The following CWC27 variants were observed in gnomAD, a reference collection of about 807,000 sequenced individuals.
CWC27 encodes the protein CWC27 spliceosome associated cyclophilin.
In CWC27, 47 loss-of-function variants were observed where a neutral mutation model predicts 63.6. That is an observed-to-expected ratio of 0.74 (90% CI 0.58 to 0.94). The LOEUF (loss-of-function observed/expected upper bound fraction) is 0.94, where lower values mean the gene tolerates loss of function less well. Ranked by LOEUF, CWC27 falls within the 40% of genes least tolerant of loss-of-function variation. CWC27 has a pLI of 0.00. For missense variants in CWC27, 495 were observed against 554.3 expected, an observed-to-expected ratio of 0.89 and a Z score of 1.07; for synonymous variants, 175 against 179.8, an observed-to-expected ratio of 0.97 and a Z score of 0.22.
chr5:65,015,999 T>C (rs896131174), intron 13 of CWC27, among the ~76,000 whole-genome samples: 1 of 152,202 alleles, frequency 6.6e-6, no homozygotes, highest in African/African-American at 2.4e-5. Context: ...CTGAAGTGAG[T>C]TGTCACTGAT....
chr5:64,855,586 C>T (rs753082890), intron 10 of CWC27, among the ~76,000 whole-genome samples: 1 of 152,044 alleles, frequency 6.6e-6, no homozygotes, highest in Non-Finnish European at 1.5e-5. Context: ...TTTAAACTTA[C>T]AGAAGTAAAT....
intron 11 of CWC27, among the ~76,000 whole-genome samples, chr5:64,953,028 G>C (rs1264740465): frequency 1.3e-5 from 2 of 152,114 alleles, no homozygotes; most frequent in African/African-American, 2.4e-5. Flanking sequence ...TGCCATGTGA[G>C]GCATTTATAG....
At chr5:64,997,583 C>T (rs1159364741) in intron 13 of CWC27, among the ~76,000 whole-genome samples, 1 of 152,050 alleles carries the variant, frequency 6.6e-6, no homozygotes, top group African/African-American at 2.4e-5. Flanking sequence ...CTCATAATAA[C>T]TCTCAGTGAT....
intron 13 of CWC27, among the ~76,000 whole-genome samples, chr5:65,011,260 A>C (rs13171623): frequency 9.7e-4 from 148 of 152,308 alleles, no homozygotes; most frequent in Non-Finnish European, 1.7e-3. Context: ...CACCTTCAAG[A>C]GCACCTGCAG....
intron 10 of CWC27, among the ~76,000 whole-genome samples, chr5:64,861,591 C>T (rs1197165678): frequency 1.3e-5 from 2 of 152,146 alleles, no homozygotes; most frequent in African/African-American, 4.8e-5. Flanking sequence ...AAATCAAGGA[C>T]ATTTTTATAT....
intron 5 of CWC27, 92 bp from the exon 6 acceptor site, chr5:64,786,432 T>TATAG: frequency 1.5e-6 from 1 of 663,534 alleles, no homozygotes; most frequent in Non-Finnish European, 2.4e-6. Context: ...GGGAAAAATA[T>TATAG]AGACACTATA....
chr5:64,800,205 T>A, intron 7 of CWC27, 43 bp from the exon 8 acceptor site: 1 of 1,280,888 alleles, frequency 7.8e-7, no homozygotes, highest in South Asian at 1.3e-5. Flanking sequence ...TTAGGAATAC[T>A]GTTTATTTCC....
intron 11 of CWC27, among the ~76,000 whole-genome samples, chr5:64,896,364 A>T (rs902467022): frequency 6.6e-6 from 1 of 152,236 alleles, no homozygotes; most frequent in African/African-American, 2.4e-5. Flanking sequence ...AGTTAGGAAC[A>T]TGGAAAGTGG....
chr5:64,992,660 T>A (rs2112459570), intron 13 of CWC27, among the ~76,000 whole-genome samples: 1 of 151,674 alleles, frequency 6.6e-6, no homozygotes, highest in South Asian at 2.1e-4. Context: ...GCCTCCCACG[T>A]AGCTGGGACT....
intron 2 of CWC27, among the ~76,000 whole-genome samples, chr5:64,781,425 A>G (rs1163898478): frequency 1.3e-5 from 2 of 152,182 alleles, no homozygotes; most frequent in African/African-American, 4.8e-5. Flanking sequence ...GCAGTGGGAA[A>G]TAAGGTATTT....
chr5:65,002,492 C>G (rs1396715257), intron 13 of CWC27, among the ~76,000 whole-genome samples: 2 of 152,030 alleles, frequency 1.3e-5, no homozygotes, highest in African/African-American at 4.8e-5. Context: ...GTTGTATTTC[C>G]ATTTTCATTT....
chr5:64,805,428 T>TTC (rs1404241216), intron 10 of CWC27, among the ~76,000 whole-genome samples: 7 of 151,700 alleles, frequency 4.6e-5, no homozygotes, highest in African/African-American at 1.7e-4. Flanking sequence ...ATATGCATGC[T>TTC]TCTAGATTCA....
intron 13 of CWC27, among the ~76,000 whole-genome samples, chr5:65,001,454 T>C (rs556011313): frequency 1.0e-3 from 156 of 152,262 alleles, no homozygotes; most frequent in African/African-American, 3.6e-3. Context: ...AGCTGTGAGC[T>C]TGTCACAAAT....
At chr5:65,001,468 C>T (rs1431960139) in intron 13 of CWC27, among the ~76,000 whole-genome samples, 1 of 152,020 alleles carries the variant, frequency 6.6e-6, no homozygotes, top group Non-Finnish European at 1.5e-5. Context: ...CACAAATGGC[C>T]TTTATTATAT....
intron 10 of CWC27, among the ~76,000 whole-genome samples, chr5:64,846,975 C>A (rs1406703559): frequency 3.1e-5 from 3 of 96,820 alleles, no homozygotes; most frequent in Non-Finnish European, 3.8e-5. Context: ...GTCTGGGTGA[C>A]AGAATAAGAC....
At chr5:64,867,862 C>T (rs1013363223) in intron 10 of CWC27, among the ~76,000 whole-genome samples, 1 of 151,780 alleles carries the variant, frequency 6.6e-6, no homozygotes, top group Non-Finnish European at 1.5e-5. Flanking sequence ...GCTAGGAAGG[C>T]TCCTCAAAGG....
At chr5:64,805,470 ACTTTT>A (rs1316341742) in intron 10 of CWC27, among the ~76,000 whole-genome samples, 3 of 151,868 alleles carry the variant, frequency 2.0e-5, no homozygotes, top group Non-Finnish European at 4.4e-5. Context: ...TCACACTGTA[ACTTTT>A]AGTTAAATCA....
At chr5:64,957,870 A>G (rs1748832639) in intron 11 of CWC27, among the ~76,000 whole-genome samples, 1 of 152,178 alleles carries the variant, frequency 6.6e-6, no homozygotes, top group African/African-American at 2.4e-5. Context: ...GTCTTTACTG[A>G]TCTAAGTTCT....
At chr5:64,774,345 C>T (rs1743365834) in intron 1 of CWC27, among the ~76,000 whole-genome samples, 1 of 152,144 alleles carries the variant, frequency 6.6e-6, no homozygotes, top group South Asian at 2.1e-4. Flanking sequence ...CAGGGTCTGT[C>T]TGTGTTGCCG....
Sources: allele counts gnomAD v4.1 joint callset (sites outside exome capture counted in the v4.1 genomes callset), GRCh38; gene constraint gnomAD v4.1.1; transcripts MANE v1.5; gene names NCBI Gene and HGNC (gene_info 2026-07-23, HGNC 2026-07-21).